DENND1A: variants seen among roughly 807,000 people sequenced by gnomAD.
DENND1A encodes DENN domain containing 1A, also known as DENN domain-containing protein 1A.
Under a neutral mutation model 113.7 loss-of-function variants are expected in DENND1A, and 51 were observed. The observed-to-expected ratio is 0.45, with a 90% CI of 0.36 to 0.57. The LOEUF is 0.57. DENND1A is among the 20% of genes least tolerant of loss of function. The pLI is 0.00. For synonymous variants in DENND1A, 565 were observed against 570.8 expected (o/e 0.99, Z 0.14); for missense variants, 1,258 against 1,395.9 (o/e 0.90, Z 1.57).
At chr9:123,896,840 CA>C (rs1850833355) in intron 1 of DENND1A, among the ~76,000 whole-genome samples, 1 of 151,880 alleles carries the variant, frequency 6.6e-6, no homozygotes, top group South Asian at 2.1e-4. Flanking sequence ...AAATAGAAAA[CA>C]AAAGCTACAC....
At chr9:123,869,696 A>G (rs1846241544) in intron 2 of DENND1A, among the ~76,000 whole-genome samples, 1 of 152,202 alleles carries the variant, frequency 6.6e-6, no homozygotes, top group African/African-American at 2.4e-5. Flanking sequence ...TGTCCCAACT[A>G]TAGTATCAAG....
chr9:123,500,462 T>C (rs866795029), intron 13 of DENND1A, among the ~76,000 whole-genome samples: 21 of 152,136 alleles, frequency 1.4e-4, no homozygotes, highest in Admixed American at 1.0e-3. Context: ...GAAAGAAAAA[T>C]GAACTTGTCA....
intron 8 of DENND1A, among the ~76,000 whole-genome samples, chr9:123,655,915 C>T (rs2062920197): frequency 6.6e-6 from 1 of 152,226 alleles, no homozygotes; most frequent in African/African-American, 2.4e-5. Context: ...CTACTATGTG[C>T]CTAGCACCCT....
At chr9:123,470,618 G>A (rs1336061777) in intron 13 of DENND1A, among the ~76,000 whole-genome samples, 1 of 152,172 alleles carries the variant, frequency 6.6e-6, no homozygotes, top group Non-Finnish European at 1.5e-5. Context: ...ATGGGAATAT[G>A]AGACTCATGG....
intron 7 of DENND1A, among the ~76,000 whole-genome samples, chr9:123,669,918 A>G (rs1201391272): frequency 6.6e-6 from 1 of 152,172 alleles, no homozygotes; most frequent in Admixed American, 6.5e-5. Context: ...GCACAGTGGA[A>G]AGACCATAGG....
At chr9:123,514,039 T>C (rs2053665040) in intron 13 of DENND1A, among the ~76,000 whole-genome samples, 1 of 149,954 alleles carries the variant, frequency 6.7e-6, no homozygotes, top group Non-Finnish European at 1.5e-5. Flanking sequence ...ACTGGAAAGG[T>C]TGGGCAAGGT....
In DENND1A at chr9:123,757,776, CAGTG is replaced by C; in HGVS notation, c.225_228del (p.Asp77LeufsTer23). 2 of 1,614,100 alleles carry C rather than the reference CAGTG, an allele frequency of 1.2e-6. No individual in the cohort carries two copies. Among genetic ancestry groups the C allele is most frequent in the Non-Finnish European group, 1.7e-6 (2 of 1,180,004 alleles). On this transcript the variant is annotated frameshift_variant, in exon 5 of 24. Transcript: ENST00000394215. LOFTEE classifies it high-confidence loss of function. ...CCGAATCTCTGTTTGCTGTCAATGTCAGTGAGCACGAATGTGAAGTTCTGGCCAA... is the reference window on the plus strand; with the variant it reads ...CCGAATCTCTGTTTGCTGTCAATGTCAGCACGAATGTGAAGTTCTGGCCAA...
chr9:123,440,455 C>G lies in DENND1A; in HGVS notation c.1393G>C (p.Glu465Gln), dbSNP rs1018252121. Residue 465 changes from glutamate (E) to glutamine (Q), a missense_variant, in exon 19 of 24, where the codon GAG (glutamate) becomes CAG (glutamine). Physicochemically the swap from Glu to Gln is conservative, Grantham distance 29. Around this residue, in one of 2 missense-constraint regions of DENND1A, gnomAD observed 1,159 missense variants for 1,231.7 expected, o/e 0.94. Coordinates refer to ENST00000394215, the MANE Select transcript of DENND1A (RefSeq NM_001352964.2). ...AENGCAPTPE[E>Q]QLPKTAPSPL... Reference sequence around the variant, plus strand: ...GACGGTGCAGTCTTTGGCAGCTGCTCTTCTGGGGTGGGGGCGCAGCCATTC... The same window carrying G: ...GACGGTGCAGTCTTTGGCAGCTGCTGTTCTGGGGTGGGGGCGCAGCCATTC... 4 of 1,571,906 alleles carry G rather than the reference C, an allele frequency of 2.5e-6. No homozygotes were observed. Among genetic ancestry groups the G allele is most frequent in the Non-Finnish European group, 3.4e-6 (4 of 1,166,884 alleles).
At chr9:123,644,757 TTC>T (rs2062221964) in intron 9 of DENND1A, among the ~76,000 whole-genome samples, 1 of 152,232 alleles carries the variant, frequency 6.6e-6, no homozygotes, top group Non-Finnish European at 1.5e-5. Flanking sequence ...ACGACCTATA[TTC>T]ATGGCCACCT....
At chr9:123,413,645 T>C (rs930649014) in intron 19 of DENND1A, 6 of 985,344 alleles carry the variant, frequency 6.1e-6, no homozygotes, top group African/African-American at 1.7e-5. Context: ...CACGATGGGA[T>C]AGAATGACAC....
intron 2 of DENND1A, among the ~76,000 whole-genome samples, chr9:123,854,815 G>C (rs1375992637): frequency 6.6e-6 from 1 of 150,808 alleles, no homozygotes; most frequent in African/African-American, 2.5e-5. Context: ...CTGTCTCTTG[G>C]TCGAATATAT....
At chr9:123,383,957 AGG>A (rs755358789) in intron 22 of DENND1A, 44 bp from the exon 23 acceptor site, 21 of 1,578,970 alleles carry the variant, frequency 1.3e-5, no homozygotes, top group Non-Finnish European at 1.7e-5. Context: ...CCAGGCCTTC[AGG>A]GGAGGAGCAA....
At chr9:123,758,631 T>C (rs1029582296) in intron 4 of DENND1A, among the ~76,000 whole-genome samples, 1 of 152,154 alleles carries the variant, frequency 6.6e-6, no homozygotes, top group Non-Finnish European at 1.5e-5. Flanking sequence ...ATGTCTAGCA[T>C]TGCATGGTGT....
intron 13 of DENND1A, among the ~76,000 whole-genome samples, chr9:123,476,584 T>C (rs1478978540): frequency 6.6e-6 from 1 of 152,238 alleles, no homozygotes; most frequent in Non-Finnish European, 1.5e-5. Flanking sequence ...TCAATGCCCG[T>C]TCCTGGGCCA....
At chr9:123,391,980 A>G (rs2131050284) in intron 21 of DENND1A, among the ~76,000 whole-genome samples, 2 of 152,036 alleles carry the variant, frequency 1.3e-5, no homozygotes, top group Middle Eastern at 3.4e-3. Context: ...ATCATCCCCC[A>G]CGGCTGCTCC....
intron 12 of DENND1A, among the ~76,000 whole-genome samples, chr9:123,562,958 C>T (rs1021274467): frequency 5.3e-5 from 8 of 152,148 alleles, no homozygotes; most frequent in African/African-American, 1.2e-4. Flanking sequence ...AATGAAAGAA[C>T]GAATGAGCAA....
At chr9:123,662,045 G>A (rs983803845) in intron 8 of DENND1A, among the ~76,000 whole-genome samples, 1 of 152,128 alleles carries the variant, frequency 6.6e-6, no homozygotes, top group Admixed American at 6.5e-5. Flanking sequence ...ACCACCAAGT[G>A]CCCAGCACAA....
intron 3 of DENND1A, among the ~76,000 whole-genome samples, chr9:123,788,128 C>T (rs1430361668): frequency 6.6e-6 from 1 of 152,146 alleles, no homozygotes; most frequent in Non-Finnish European, 1.5e-5. Flanking sequence ...TTAGAAAAAA[C>T]AGGCTATGAA....
intron 6 of DENND1A, among the ~76,000 whole-genome samples, chr9:123,675,382 CT>C (rs2064013807): frequency 6.6e-6 from 1 of 152,154 alleles, no homozygotes; most frequent in Non-Finnish European, 1.5e-5. Flanking sequence ...CAATGCAAGA[CT>C]TCGTAGAGCT....
Sources: allele counts gnomAD v4.1 joint callset (sites outside exome capture counted in the v4.1 genomes callset), GRCh38; gene constraint gnomAD v4.1.1; regional missense constraint gnomAD v4.1.1; transcripts MANE v1.5; gene names NCBI Gene and HGNC (gene_info 2026-07-23, HGNC 2026-07-21).